ZNF804A: variants seen among roughly 807,000 people sequenced by gnomAD.
The protein encoded by ZNF804A is zinc finger protein 804A.
In ZNF804A, 2 loss-of-function variants were observed where a neutral mutation model predicts 16.5. The observed-to-expected ratio is 0.12, with a 90% CI of 0.05 to 0.38. The LOEUF (loss-of-function observed/expected upper bound fraction) is 0.38, where lower values mean the gene tolerates loss of function less well. Among genes scored for constraint, ZNF804A ranks in the 10% least tolerant of loss-of-function variants. The pLI, the probability that ZNF804A is intolerant of heterozygous loss-of-function variation, is 0.99. For synonymous variants in ZNF804A, 534 were observed against 489.6 expected, an observed-to-expected ratio of 1.09 and a Z score of -1.20; for missense variants, 1,473 against 1,390.7, an observed-to-expected ratio of 1.06 and a Z score of -0.94.
At chr2:184,884,997 A>G (rs1415559374) in intron 2 of ZNF804A, among the ~76,000 whole-genome samples, 2 of 152,208 alleles carry the variant, frequency 1.3e-5, no homozygotes, top group South Asian at 2.1e-4. Flanking sequence ...AAACAAATTT[A>G]TAAGAACAAA....
At chr2:184,881,871 G>C in intron 2 of ZNF804A, among the ~76,000 whole-genome samples, 1 of 151,996 alleles carries the variant, frequency 6.6e-6, no homozygotes. Flanking sequence ...ACCCTGCAAA[G>C]TAAACATGTA....
In ZNF804A at chr2:184,839,902, A is replaced by T. The variant is rs1463558718; in HGVS notation, c.112-26467A>T. Among the ~76,000 whole-genome samples the T allele has an allele frequency of 3.9e-5, 6 of 152,026 alleles. No homozygotes were observed. In the East Asian group the frequency reaches 5.8e-4, roughly 15 times the overall value. ...GGCCTGACCTGAGTTATTTGTTTTT[A>T]AAAAAATAGAATAAGGGACCATAAC... is the stretch of plus-strand genomic sequence containing the variant. On this transcript the variant is annotated intron_variant, in intron 1 of 3. Transcript: ENST00000302277.
chr2:184,676,160 C>A (rs1338768894), intron 1 of ZNF804A, among the ~76,000 whole-genome samples: 2 of 151,340 alleles, frequency 1.3e-5, no homozygotes. Context: ...TAATTCTATC[C>A]CCTGAGATTG....
intron 1 of ZNF804A, among the ~76,000 whole-genome samples, chr2:184,634,921 T>C (rs1691671374): frequency 6.6e-6 from 1 of 152,110 alleles, no homozygotes; most frequent in African/African-American, 2.4e-5. Context: ...TGAAAAGCAA[T>C]ATCCATTTGT....
intron 2 of ZNF804A, among the ~76,000 whole-genome samples, chr2:184,879,760 C>T (rs911025293): frequency 1.3e-5 from 2 of 151,898 alleles, no homozygotes; most frequent in Non-Finnish European, 2.9e-5. Flanking sequence ...TTAAACAAAA[C>T]CTCACAAACA....
intron 1 of ZNF804A, among the ~76,000 whole-genome samples, chr2:184,671,297 C>T (rs561685452): frequency 1.4e-4 from 22 of 152,272 alleles, no homozygotes; most frequent in Non-Finnish European, 2.9e-4. Flanking sequence ...TGTTTAGAAC[C>T]TTTCAATAGT....
intron 1 of ZNF804A, among the ~76,000 whole-genome samples, chr2:184,698,633 C>A (rs903820638): frequency 6.6e-6 from 1 of 151,994 alleles, no homozygotes; most frequent in Non-Finnish European, 1.5e-5. Flanking sequence ...TTTATTACCA[C>A]ACAATAGAAA....
intron 1 of ZNF804A, among the ~76,000 whole-genome samples, chr2:184,691,726 A>C (rs997455387): frequency 1.3e-5 from 2 of 151,780 alleles, no homozygotes; most frequent in Admixed American, 1.3e-4. Flanking sequence ...GGATAGAATA[A>C]GAAAATTTCT....
intron 1 of ZNF804A, among the ~76,000 whole-genome samples, chr2:184,709,851 A>T (rs1005150140): frequency 2.0e-5 from 3 of 148,196 alleles, no homozygotes; most frequent in Non-Finnish European, 3.0e-5. Context: ...TTTATAGTAT[A>T]TATTATAAAT....
chr2:184,675,685 G>A (rs895625181), intron 1 of ZNF804A, among the ~76,000 whole-genome samples: 4 of 151,732 alleles, frequency 2.6e-5, no homozygotes, highest in African/African-American at 9.7e-5. Context: ...TGTGGAAGAA[G>A]TGAGGCACGG....
chr2:184,759,420 C>T (rs1272657437), intron 1 of ZNF804A, among the ~76,000 whole-genome samples: 1 of 151,458 alleles, frequency 6.6e-6, no homozygotes, highest in Non-Finnish European at 1.5e-5. Context: ...TTAGGAAAAA[C>T]TTATGAAGAG....
At chr2:184,777,196 T>G (rs1694302475) in intron 1 of ZNF804A, among the ~76,000 whole-genome samples, 1 of 151,540 alleles carries the variant, frequency 6.6e-6, no homozygotes, top group East Asian at 1.9e-4. Flanking sequence ...ATTAATAAAC[T>G]CTTCTACTTT....
chr2:184,806,896 CTTTA>C (rs1003410873), intron 1 of ZNF804A, among the ~76,000 whole-genome samples: 16 of 151,562 alleles, frequency 1.1e-4, no homozygotes, highest in Admixed American at 4.6e-4. Flanking sequence ...ATATTAAAGT[CTTTA>C]TTTAAATAGA....
chr2:184,920,054 G>A (rs1685506301), intron 2 of ZNF804A, among the ~76,000 whole-genome samples: 1 of 152,160 alleles, frequency 6.6e-6, no homozygotes, highest in South Asian at 2.1e-4. Flanking sequence ...GGAGGAGGTT[G>A]CGGTGAGCCT....
chr2:184,878,218 G>T (rs535235293), intron 2 of ZNF804A, among the ~76,000 whole-genome samples: 1 of 152,106 alleles, frequency 6.6e-6, no homozygotes, highest in Non-Finnish European at 1.5e-5. Context: ...TTTGAGACCT[G>T]GTAATCCTGC....
chr2:184,910,678 C>T (rs549085401), intron 2 of ZNF804A, among the ~76,000 whole-genome samples: 74 of 151,800 alleles, frequency 4.9e-4, no homozygotes, highest in African/African-American at 1.7e-3. Context: ...CTGACTGGTA[C>T]GAGATGGTAT....
chr2:184,857,051 G>A (rs1695700708), intron 1 of ZNF804A, among the ~76,000 whole-genome samples: 1 of 152,028 alleles, frequency 6.6e-6, no homozygotes, highest in African/African-American at 2.4e-5. Flanking sequence ...GTTCTGGGAA[G>A]TGTAATATTA....
At chr2:184,793,151 T>C (rs181545884) in intron 1 of ZNF804A, among the ~76,000 whole-genome samples, 1 of 152,254 alleles carries the variant, frequency 6.6e-6, no homozygotes, top group African/African-American at 2.4e-5. Context: ...ATATGTACCA[T>C]GTTTTCCTCA....
chr2:184,717,663 A>C (rs1693235811), intron 1 of ZNF804A, among the ~76,000 whole-genome samples: 1 of 152,188 alleles, frequency 6.6e-6, no homozygotes, highest in South Asian at 2.1e-4. Context: ...TATACTCATA[A>C]TTATATGTAT....
Sources: allele counts gnomAD v4.1 joint callset (sites outside exome capture counted in the v4.1 genomes callset), GRCh38; gene constraint gnomAD v4.1.1; transcripts MANE v1.5; gene names NCBI Gene and HGNC (gene_info 2026-07-23, HGNC 2026-07-21).